Variants in ZNF488 observed in about 807,000 individuals in gnomAD.
ZNF488 encodes zinc finger protein 488.
Under a neutral mutation model 1.2 loss-of-function variants are expected in ZNF488, and 1 was observed. The observed-to-expected ratio is 0.86, with a 90% CI of 0.30 to 4.07. ZNF488 has a LOEUF of 4.07. Ranked by LOEUF, ZNF488 falls within the 30% of genes most tolerant of loss-of-function variation. The pLI is 0.18. For missense variants in ZNF488, 450 were observed against 437.9 expected, an observed-to-expected ratio of 1.03 and a Z score of -0.25; for synonymous variants, 185 against 190.1, an observed-to-expected ratio of 0.97 and a Z score of 0.22.
At chr10:47,369,677 A>G (rs1837394375) in intron 1 of ZNF488, among the ~76,000 whole-genome samples, 2 of 151,548 alleles carry the variant, frequency 1.3e-5, no homozygotes, top group South Asian at 2.1e-4. Flanking sequence ...TCTTCCCCCA[A>G]CTCCCAAGTA....
Position 47,368,278 on chromosome 10 carries a change from T to C in ZNF488, c.552A>G (p.Glu184=), listed in dbSNP as rs782756120. Residue 184 remains glutamate, a synonymous_variant, in exon 2 of 2, where the codon GAA becomes GAG. Transcript: ENST00000585316. ...ACAGCTCCCCCAGGGCATCTGCAGA[T>C]TCCCCTGCAGGGAAGACTGAGGTTA... The part of the protein sequence containing the change: ...PELTSVFPAG[E]SADALGELSG... 1.2e-5 allele frequency: 19 copies of C among 1,614,176 alleles called. No homozygotes were observed. Among genetic ancestry groups the C allele is most frequent in the Non-Finnish European group, 1.6e-5 (19 of 1,180,024 alleles).
rs1338878354 is a variant in ZNF488, at chr10:47,384,288, G to A, written c.-177C>T. The A allele has an allele frequency of 2.0e-5, 3 of 152,270 alleles. No homozygotes were observed. The highest frequency in any genetic ancestry group is 4.4e-5 in the Non-Finnish European group (3 of 68,106). The allele number at this position is 152,270 out of a possible 1,614,324, so 9.4% of individuals were successfully genotyped here. A position where few individuals can be genotyped will look rare whatever the true frequency, so the allele number is the denominator to read the frequency against. Reference sequence around the variant, plus strand: ...CAGCCTCCTCCCGGCCAAGAGCACTGCGCGTGGCTCTGAACTTGGCGCCGG... The same window carrying A: ...CAGCCTCCTCCCGGCCAAGAGCACTACGCGTGGCTCTGAACTTGGCGCCGG... On this transcript the variant is annotated 5_prime_UTR_variant, in exon 1 of 2. Coordinates refer to ENST00000585316, the MANE Select transcript of ZNF488 (RefSeq NM_153034.4).
chr10:47,369,435 A>G (rs1338828254), intron 1 of ZNF488, among the ~76,000 whole-genome samples: 1 of 152,168 alleles, frequency 6.6e-6, no homozygotes, highest in Non-Finnish European at 1.5e-5. Context: ...CTGAGGGCAC[A>G]GGGAGGCCGC....
chr10:47,380,895 A>G (rs1176066412), intron 1 of ZNF488, among the ~76,000 whole-genome samples: 2 of 142,566 alleles, frequency 1.4e-5, no homozygotes, highest in Non-Finnish European at 2.9e-5. Context: ...GGATTAATAT[A>G]GAGAAAGTGC....
intron 1 of ZNF488, among the ~76,000 whole-genome samples, chr10:47,383,799 G>A (rs537633523): frequency 6.6e-6 from 1 of 152,218 alleles, no homozygotes; most frequent in Admixed American, 6.5e-5. Flanking sequence ...GGGAGAGACA[G>A]TGGGAGGGAG....
In ZNF488 at chr10:47,366,723, A is replaced by C. The variant is rs1474529198; in HGVS notation, c.*1084T>G. On this transcript the variant is annotated 3_prime_UTR_variant, in exon 2 of 2. Transcript: ENST00000585316. ...ACTGACCGAAACGCAGTAGATAATA[A>C]ATGGTACCTAGAATGCTCCCCAGCC... The C allele has an allele frequency of 2.4e-5, 4 of 167,056 alleles. No individual in the cohort carries two copies. Among genetic ancestry groups the C allele is most frequent in the African/African-American group, 9.7e-5 (4 of 41,440 alleles). 10.3% of individuals were successfully genotyped at this position (167,056 alleles called of 1,614,324 possible).
chr10:47,380,060 G>C (rs1207468537), intron 1 of ZNF488, among the ~76,000 whole-genome samples: 1 of 152,098 alleles, frequency 6.6e-6, no homozygotes, highest in African/African-American at 2.4e-5. Flanking sequence ...GATCTATGAA[G>C]CCCTTGTTCT....
At position 47,367,725 on chromosome 10, in the gene ZNF488, A is replaced by T; in HGVS notation, c.*82T>A. On this transcript the variant is annotated 3_prime_UTR_variant, in exon 2 of 2. Coordinates refer to ENST00000585316, the MANE Select transcript of ZNF488 (RefSeq NM_153034.4). ...CAGCAGCTCTGCAAAGGACCATGAC[A>T]GCCCCCTCAACGCAGGCCCAGGGAG... 1 of 1,471,154 alleles carries T rather than the reference A, an allele frequency of 6.8e-7. No homozygotes were observed. The highest frequency in any genetic ancestry group is 2.3e-5 in the East Asian group (1 of 43,986). The allele number at this position is 1,471,154 out of a possible 1,614,324, so 91.1% of individuals were successfully genotyped here. A position where few individuals can be genotyped will look rare whatever the true frequency, so the allele number is the denominator to read the frequency against.
Position 47,367,754 on chromosome 10 carries a change from C to T in ZNF488, c.*53G>A, listed in dbSNP as rs2132271502. ...CCCTCAACGCAGGCCCAGGGAGCCC[C>T]CCTCTGCCAAAGGCTGGCTGCTGCA... is the stretch of plus-strand genomic sequence containing the variant. On this transcript the variant is annotated 3_prime_UTR_variant, in exon 2 of 2. Coordinates refer to ENST00000585316, the MANE Select transcript of ZNF488 (RefSeq NM_153034.4). 1 of 1,553,518 alleles carries T rather than the reference C, an allele frequency of 6.4e-7. No homozygotes were observed. The highest frequency in any genetic ancestry group is 8.7e-7 in the Non-Finnish European group (1 of 1,150,602).
rs1020298806 is a variant in ZNF488, at chr10:47,365,870, C to T, written c.*1937G>A. ...CGGCACCAGAGCTGTGGTCAGAACA[C>T]GGGAGCAGACAGTGGAACAGCAGCG... On this transcript the variant is annotated 3_prime_UTR_variant, in exon 2 of 2. Coordinates refer to ENST00000585316, the MANE Select transcript of ZNF488 (RefSeq NM_153034.4). 7 of 167,170 alleles carry T rather than the reference C, an allele frequency of 4.2e-5. No individual in the cohort carries two copies. The highest frequency in any genetic ancestry group is 7.3e-5 in the Non-Finnish European group (5 of 68,196). The allele number at this position is 167,170 out of a possible 1,614,324, so 10.4% of individuals were successfully genotyped here. A position where few individuals can be genotyped will look rare whatever the true frequency, so the allele number is the denominator to read the frequency against.
intron 1 of ZNF488, among the ~76,000 whole-genome samples, chr10:47,376,408 C>G (rs1225786529): frequency 6.6e-6 from 1 of 152,146 alleles, no homozygotes; most frequent in Non-Finnish European, 1.5e-5. Context: ...TTCCTGTAAA[C>G]GACCACTTTT....
At chr10:47,370,126 T>C (rs1837409430) in intron 1 of ZNF488, among the ~76,000 whole-genome samples, 1 of 152,188 alleles carries the variant, frequency 6.6e-6, no homozygotes, top group Non-Finnish European at 1.5e-5. Flanking sequence ...GGAGGAGACA[T>C]CCGCATGGTG....
chr10:47,379,642 T>C (rs1837836404), intron 1 of ZNF488, among the ~76,000 whole-genome samples: 1 of 152,268 alleles, frequency 6.6e-6, no homozygotes, highest in Admixed American at 6.5e-5. Flanking sequence ...AGGTGGAAAA[T>C]GACGTGAGGC....
At chr10:47,382,320 C>G (rs782634555) in intron 1 of ZNF488, among the ~76,000 whole-genome samples, 1 of 152,256 alleles carries the variant, frequency 6.6e-6, no homozygotes, top group Non-Finnish European at 1.5e-5. Flanking sequence ...CTATTCCTTC[C>G]GACCTTCCCA....
intron 1 of ZNF488, among the ~76,000 whole-genome samples, chr10:47,373,996 G>T (rs1275307207): frequency 1.3e-5 from 2 of 152,172 alleles, no homozygotes; most frequent in Non-Finnish European, 2.9e-5. Context: ...CTAGACGTAA[G>T]ACAAACCAAA....
chr10:47,377,718 C>CAT (rs1837743346), intron 1 of ZNF488, among the ~76,000 whole-genome samples: 1 of 145,402 alleles, frequency 6.9e-6, no homozygotes, highest in Non-Finnish European at 1.5e-5. Context: ...CACACACACA[C>CAT]GGCTGCCACC....
Position 47,368,261 on chromosome 10 carries a change from C to A in ZNF488, c.569G>T (p.Gly190Val), listed in dbSNP as rs1555213193. 3.1e-6 allele frequency: 5 copies of A among 1,614,210 alleles called. No homozygotes were observed. The highest frequency in any genetic ancestry group is 2.2e-5 in the East Asian group (1 of 44,872). The change falls in exon 2 of 2, where the codon GGG (glycine) becomes GTG (valine). Residue 190 changes from glycine (G) to valine (V), a missense_variant. Coordinates refer to ENST00000585316, the MANE Select transcript of ZNF488 (RefSeq NM_153034.4). Reference sequence around the variant, plus strand: ...AGTGTTGAGGAGTCCAGACAGCTCCCCCAGGGCATCTGCAGATTCCCCTGC... The same window carrying A: ...AGTGTTGAGGAGTCCAGACAGCTCCACCAGGGCATCTGCAGATTCCCCTGC... ...FPAGESADAL[G>V]ELSGLLNTTD... is the part of the protein sequence containing the mutation.
At chr10:47,375,926 G>A (rs1050944129) in intron 1 of ZNF488, among the ~76,000 whole-genome samples, 14 of 152,188 alleles carry the variant, frequency 9.2e-5, no homozygotes, top group African/African-American at 3.1e-4. Flanking sequence ...CGGCACACGC[G>A]AATGCCAGGC....
chr10:47,375,065 C>T (rs11204206), intron 1 of ZNF488, among the ~76,000 whole-genome samples: 7,748 of 152,272 alleles, frequency 0.051, 702 homozygotes, highest in African/African-American at 0.18. Flanking sequence ...GACACAGCCA[C>T]GCAATTCTGT....
Sources: allele counts gnomAD v4.1 joint callset (sites outside exome capture counted in the v4.1 genomes callset), GRCh38; gene constraint gnomAD v4.1.1; transcripts MANE v1.5; gene names NCBI Gene and HGNC (gene_info 2026-07-23, HGNC 2026-07-21).